The following PDE1C variants were observed in gnomAD, a reference collection of about 807,000 sequenced individuals.
PDE1C encodes dual specificity calcium/calmodulin-dependent 3',5'-cyclic nucleotide phosphodiesterase 1C.
A neutral mutation model predicts 93.1 loss-of-function variants in PDE1C; 62 were observed. That is an observed-to-expected ratio of 0.67 (90% confidence interval 0.54 to 0.82). PDE1C has a LOEUF of 0.82. PDE1C is among the 40% of genes least tolerant of loss of function. PDE1C has a pLI of 0.00. For synonymous variants in PDE1C, 325 were observed against 310.1 expected (o/e 1.05, Z -0.50); for missense variants, 742 against 884.6 (o/e 0.84, Z 2.04).
chr7:31,742,624 G>A, the PDE1C span, among the ~76,000 whole-genome samples: 7 of 152,136 alleles, frequency 4.6e-5, no homozygotes, highest in Non-Finnish European at 7.3e-5. Context: ...AGATCTTTGC[G>A]TTCCACATTC....
chr7:31,927,325 C>G (rs1446084082), intron 2 of PDE1C, among the ~76,000 whole-genome samples: 2 of 152,220 alleles, frequency 1.3e-5, no homozygotes, highest in Non-Finnish European at 2.9e-5. Flanking sequence ...ACTCCCATCT[C>G]CCTGGGACAG....
At chr7:32,339,367 G>A (rs215669) in intron 1 of PDE1C, among the ~76,000 whole-genome samples, 74,727 of 151,998 alleles carry the variant, frequency 0.49, 21,708 homozygotes, top group Admixed American at 0.65. Flanking sequence ...GAGGTACGAC[G>A]GAGCTGTTGT....
chr7:31,941,899 A>G (rs1289936892), intron 2 of PDE1C, among the ~76,000 whole-genome samples: 1 of 152,202 alleles, frequency 6.6e-6, no homozygotes, highest in Non-Finnish European at 1.5e-5. Context: ...GTTAATCCTA[A>G]CAAAGTGGCA....
chr7:32,322,012 G>C (rs1783301571), intron 1 of PDE1C, among the ~76,000 whole-genome samples: 1 of 152,182 alleles, frequency 6.6e-6, no homozygotes, highest in African/African-American at 2.4e-5. Context: ...AAAACGAGTA[G>C]TAATAATAGT....
chr7:32,209,988 T>C (rs1432475466), intron 1 of PDE1C, among the ~76,000 whole-genome samples: 3 of 152,164 alleles, frequency 2.0e-5, no homozygotes, highest in Non-Finnish European at 4.4e-5. Context: ...GAGGCAGGAA[T>C]TTCGGAAGAT....
In PDE1C at chr7:32,359,647, A is replaced by G. The variant is rs146563567; in HGVS notation, c.310+68175T>C. Among the ~76,000 whole-genome samples the G allele has an allele frequency of 3.3e-3, 507 of 152,362 alleles. 1 individual carries two copies. The highest frequency in any genetic ancestry group is 0.011 in the African/African-American group (471 of 41,586). On this transcript the variant is annotated intron_variant, in intron 1 of 1. Transcript: ENST00000672256. Reference sequence around the variant, plus strand: ...AATCACTATGTTTTATTGTGTTTCTATAAATGATCATTCTTTTTACCTTAT... The same window carrying G: ...AATCACTATGTTTTATTGTGTTTCTGTAAATGATCATTCTTTTTACCTTAT...
chr7:32,170,743 C>T (rs1453111874), intron 2 of PDE1C, among the ~76,000 whole-genome samples: 1 of 152,144 alleles, frequency 6.6e-6, no homozygotes, highest in African/African-American at 2.4e-5. Context: ...ACCTTGGCCT[C>T]CTGCCTCCCT....
the PDE1C span, among the ~76,000 whole-genome samples, chr7:31,659,657 T>G: frequency 6.6e-6 from 1 of 152,228 alleles, no homozygotes; most frequent in African/African-American, 2.4e-5. Context: ...CTCTGAAAAC[T>G]CCTTATTAAA....
rs952865355 is a variant in PDE1C, at chr7:32,419,644, G to T, written c.310+8178C>A. On this transcript the variant is annotated intron_variant, in intron 1 of 1. Coordinates refer to the PDE1C transcript ENST00000672256. ...CAGTGGCTGCCTAGCCCTGGGCTTC[G>T]GCTCCCTCCTTCTGGGAAATGACAA... 3.3e-5 allele frequency among the ~76,000 whole-genome samples: 5 copies of T among 152,254 alleles called. No homozygotes were observed. The East Asian group carries it at 5.8e-4, about 18-fold the overall frequency.
At position 31,968,017 on chromosome 7, in the gene PDE1C, A is replaced by C. The variant is rs569197183; in HGVS notation, c.128+83537T>G. Among the ~76,000 whole-genome samples the C allele has an allele frequency of 3.0e-4, 46 of 152,348 alleles. No homozygotes were observed. The East Asian group carries it at 8.7e-3, about 29-fold the overall frequency. ...AGCCAATATCATACTGAATGGACAA[A>C]GACTGGAAGCATTCCCTTTGAAAAC... On this transcript the variant is annotated intron_variant, in intron 2 of 17. Coordinates refer to ENST00000396191, the MANE Select transcript of PDE1C (RefSeq NM_001191057.4).
At chr7:32,085,619 A>C (rs1584732924) in intron 3 of PDE1C, among the ~76,000 whole-genome samples, 1 of 146,384 alleles carries the variant, frequency 6.8e-6, no homozygotes, top group South Asian at 2.3e-4. Context: ...ATACTGGCAA[A>C]CCGAATCCAG....
At chr7:32,245,650 C>G (rs905967002) in intron 1 of PDE1C, among the ~76,000 whole-genome samples, 4 of 152,162 alleles carry the variant, frequency 2.6e-5, no homozygotes, top group African/African-American at 9.7e-5. Context: ...GTTGCTCTAA[C>G]AAAATAACAT....
At chr7:32,023,541 C>A (rs962602019) in intron 2 of PDE1C, among the ~76,000 whole-genome samples, 3 of 151,822 alleles carry the variant, frequency 2.0e-5, no homozygotes, top group African/African-American at 7.3e-5. Context: ...TCCTTCAGGG[C>A]ATGAATCGTA....
chr7:32,142,262 A>G (rs1192931304), intron 3 of PDE1C, among the ~76,000 whole-genome samples: 1 of 152,194 alleles, frequency 6.6e-6, no homozygotes, highest in Non-Finnish European at 1.5e-5. Flanking sequence ...AGGAAGGTAC[A>G]AGGGCAAAGG....
At chr7:31,917,331 G>C (rs1016976638) in intron 2 of PDE1C, among the ~76,000 whole-genome samples, 3 of 152,046 alleles carry the variant, frequency 2.0e-5, no homozygotes, top group Non-Finnish European at 4.4e-5. Context: ...TAAGGTTTTC[G>C]AGGGCCCTTC....
chr7:31,893,385 T>C (rs1798885461), intron 2 of PDE1C: 2 of 603,582 alleles, frequency 3.3e-6, no homozygotes, highest in Non-Finnish European at 4.2e-6. Context: ...AGCTCCAGTA[T>C]ATTCTAATAA....
At chr7:32,089,059 T>C (rs747823138) in intron 3 of PDE1C, among the ~76,000 whole-genome samples, 1 of 152,196 alleles carries the variant, frequency 6.6e-6, no homozygotes, top group Non-Finnish European at 1.5e-5. Context: ...TCAAACGCCA[T>C]GTGTGGACAG....
At chr7:31,757,800 T>C (rs1337544745) in intron 17 of PDE1C, among the ~76,000 whole-genome samples, 1 of 152,208 alleles carries the variant, frequency 6.6e-6, no homozygotes, top group African/African-American at 2.4e-5. Context: ...TTACTGGGTA[T>C]ATACCCAAAG....
intron 3 of PDE1C, among the ~76,000 whole-genome samples, chr7:32,116,726 GGAGGTTGACCT>G (rs1333961958): frequency 6.6e-6 from 1 of 152,142 alleles, no homozygotes; most frequent in Non-Finnish European, 1.5e-5. Context: ...CCAGAATACA[GGAGGTTGACCT>G]GAAAGCCTTG....
Sources: allele counts gnomAD v4.1 joint callset (sites outside exome capture counted in the v4.1 genomes callset), GRCh38; gene constraint gnomAD v4.1.1; transcripts MANE v1.5; gene names NCBI Gene and HGNC (gene_info 2026-07-23, HGNC 2026-07-21).